SAMSN1: variants seen among roughly 807,000 people sequenced by gnomAD.
SAMSN1 encodes SAM domain, SH3 domain and nuclear localization signals 1, also known as SAM domain-containing protein SAMSN-1.
Under a neutral mutation model 42.0 loss-of-function variants are expected in SAMSN1, and 31 were observed. That is an observed-to-expected ratio of 0.74 (90% CI 0.55 to 1.00). The LOEUF (loss-of-function observed/expected upper bound fraction) is 1.00, where lower values mean the gene tolerates loss of function less well. Ranked by LOEUF, SAMSN1 falls within the 50% of genes least tolerant of loss-of-function variation. The probability of loss-of-function intolerance (pLI) is 0.00; values close to 1 mark genes in which losing one functional copy is unlikely to be tolerated. For missense variants in SAMSN1, 464 were observed against 439.4 expected, an observed-to-expected ratio of 1.06 and a Z score of -0.50; for synonymous variants, 178 against 151.9, an observed-to-expected ratio of 1.17 and a Z score of -1.26.
upstream of SAMSN1, among the ~76,000 whole-genome samples, chr21:14,587,964 T>G (rs1362823416): frequency 2.3e-5 from 3 of 132,914 alleles, no homozygotes; most frequent in African/African-American, 5.6e-5. Flanking sequence ...ATCTCATTGT[T>G]CAATTCCCAC....
chr21:14,649,342 G>T (rs1983784495), intron 1 of SAMSN1, among the ~76,000 whole-genome samples: 1 of 151,694 alleles, frequency 6.6e-6, no homozygotes, highest in Non-Finnish European at 1.5e-5. Context: ...GTTAGTGGGT[G>T]CAGCGCACCA....
intron 2 of SAMSN1, among the ~76,000 whole-genome samples, chr21:14,563,116 G>A (rs186105009): frequency 8.5e-5 from 13 of 152,246 alleles, no homozygotes; most frequent in East Asian, 7.7e-4. Context: ...TCACTAGAGA[G>A]CAAGGAGACA....
chr21:14,546,393 A>G (rs12329657), upstream of SAMSN1: 685,841 of 1,441,270 alleles, frequency 0.48, 167,193 homozygotes, highest in East Asian at 0.76. Context: ...TTCCTCCTTC[A>G]GTCAGGATAT....
chr21:14,541,169 A>G (rs1381863546), intron 1 of SAMSN1, among the ~76,000 whole-genome samples: 3 of 151,956 alleles, frequency 2.0e-5, no homozygotes, highest in African/African-American at 7.3e-5. Context: ...ATTAAGAGAA[A>G]TACCTAATGT....
chr21:14,648,720 A>T (rs2123391715), intron 1 of SAMSN1, among the ~76,000 whole-genome samples: 1 of 151,798 alleles, frequency 6.6e-6, no homozygotes, highest in East Asian at 1.9e-4. Flanking sequence ...CCACAATGAG[A>T]TACCATCTCA....
intron 5 of SAMSN1, among the ~76,000 whole-genome samples, chr21:14,608,871 G>C (rs1377355751): frequency 1.3e-5 from 2 of 152,054 alleles, no homozygotes; most frequent in Admixed American, 1.3e-4. Context: ...TGAATACCAA[G>C]CAGATCAACT....
In SAMSN1 at chr21:14,621,146, T is replaced by G. The variant is rs945859637; in HGVS notation, c.157-5130A>C. ...TCCAGTAGACATGTAGCAAAGAGGA[T>G]GATTATGAAACTTCAAAGGTAATAG... On this transcript the variant is annotated intron_variant, in intron 2 of 15. Coordinates refer to the SAMSN1 transcript ENST00000647101. 2.0e-5 allele frequency among the ~76,000 whole-genome samples: 3 copies of G among 152,154 alleles called. No homozygotes were observed. The South Asian group carries it at 6.2e-4, about 31-fold the overall frequency.
intron 1 of SAMSN1, among the ~76,000 whole-genome samples, chr21:14,540,223 T>A (rs1243345852): frequency 6.6e-6 from 1 of 152,196 alleles, no homozygotes; most frequent in Non-Finnish European, 1.5e-5. Flanking sequence ...ATTCAGGACA[T>A]AGGCATGGGC....
intron 3 of SAMSN1, among the ~76,000 whole-genome samples, chr21:14,613,973 AG>A (rs1982771328): frequency 6.6e-6 from 1 of 152,176 alleles, no homozygotes; most frequent in Non-Finnish European, 1.5e-5. Context: ...GAAATTCTTC[AG>A]GACACAGACT....
Position 14,593,101 on chromosome 21 carries a change from T to C in SAMSN1, c.465+912A>G, listed in dbSNP as rs116387050. ...CTTAGACATCTCTTAGACAAAAAAA[T>C]ACATATAGTTGAAAAGAAAACTATT... On this transcript the variant is annotated intron_variant, in intron 7 of 15. Coordinates refer to the SAMSN1 transcript ENST00000647101. 4.9e-3 allele frequency among the ~76,000 whole-genome samples: 744 copies of C among 152,196 alleles called. 6 individuals carry two copies. The highest frequency in any genetic ancestry group is 0.016 in the African/African-American group (667 of 41,538).
chr21:14,648,983 C>T (rs568081379), intron 1 of SAMSN1, among the ~76,000 whole-genome samples: 2,094 of 149,756 alleles, frequency 0.014, 36 homozygotes, highest in African/African-American at 0.048. Context: ...ATGTTTATTG[C>T]GGCATTATTC....
At chr21:14,521,281 G>T (rs1019940712) in intron 1 of SAMSN1, 60 bp from the exon 2 acceptor site, 1 of 1,111,212 alleles carries the variant, frequency 9.0e-7, no homozygotes, top group Non-Finnish European at 1.3e-6. Flanking sequence ...TGTCCAAACT[G>T]ATAAGTATAT....
intron 2 of SAMSN1, among the ~76,000 whole-genome samples, chr21:14,570,419 A>T (rs78093780): frequency 2.0e-5 from 3 of 152,204 alleles, no homozygotes; most frequent in Non-Finnish European, 4.4e-5. Context: ...CAAATGGATG[A>T]CATTTCCTTA....
intron 2 of SAMSN1, among the ~76,000 whole-genome samples, chr21:14,638,965 T>C (rs1983531427): frequency 6.6e-6 from 1 of 152,214 alleles, no homozygotes; most frequent in African/African-American, 2.4e-5. Flanking sequence ...CACTGATCCA[T>C]TTATTTAGCT....
At chr21:14,566,282 C>G (rs1199834716) in intron 2 of SAMSN1, among the ~76,000 whole-genome samples, 4 of 152,166 alleles carry the variant, frequency 2.6e-5, no homozygotes. Context: ...AAGCACACTA[C>G]AAAAGCTAAG....
intron 7 of SAMSN1, among the ~76,000 whole-genome samples, chr21:14,491,382 A>G (rs1986678324): frequency 2.6e-5 from 4 of 152,054 alleles, no homozygotes; most frequent in Non-Finnish European, 5.9e-5. Flanking sequence ...TGGTGGGATT[A>G]CAGGCATAAG....
chr21:14,603,287 C>T (rs563007357), intron 5 of SAMSN1, among the ~76,000 whole-genome samples: 1 of 152,122 alleles, frequency 6.6e-6, no homozygotes, highest in South Asian at 2.1e-4. Context: ...AGAAAAAGAA[C>T]AGTAAAGTGG....
In SAMSN1 at chr21:14,487,153, C is replaced by G. The variant is rs1382940742; in HGVS notation, c.920-1039G>C. Among the ~76,000 whole-genome samples the G allele has an allele frequency of 2.0e-5, 3 of 152,096 alleles. No individual in the cohort carries two copies. In the South Asian group the frequency reaches 6.2e-4, roughly 32 times the overall value. On this transcript the variant is annotated intron_variant, in intron 7 of 7. Transcript: ENST00000400566. ...TCTGAATAGCTCCACGTTGAAAGAG[C>G]CAAACACACATTTAAGGTTGGGACA...
At chr21:14,643,129 C>T in exon 2 of SAMSN1, 1 of 716,948 alleles carries the variant, frequency 1.4e-6, no homozygotes, top group Non-Finnish European at 2.6e-6. Context: ...ATCCATAGAG[C>T]CCTCCTGCAA....
Sources: allele counts gnomAD v4.1 joint callset (sites outside exome capture counted in the v4.1 genomes callset), GRCh38; gene constraint gnomAD v4.1.1; transcripts MANE v1.5; gene names NCBI Gene and HGNC (gene_info 2026-07-23, HGNC 2026-07-21).